Variants in CD163L1 observed in about 807,000 individuals in gnomAD.
CD163L1 encodes the protein CD163 molecule like 1, also known as scavenger receptor cysteine-rich type 1 protein M160.
In CD163L1, 124 loss-of-function variants were observed where a neutral mutation model predicts 165.4. The observed-to-expected ratio is 0.75, with a 90% CI of 0.65 to 0.87. The LOEUF is 0.87. CD163L1 is among the 40% of genes least tolerant of loss of function. CD163L1 has a pLI of 0.00. For synonymous variants in CD163L1, 585 were observed against 662.2 expected (o/e 0.88, Z 1.79); for missense variants, 1,525 against 1,799.9 (o/e 0.85, Z 2.76).
chr12:7,427,843 AACTT>A (rs1477625905), intron 4 of CD163L1, among the ~76,000 whole-genome samples: 11 of 152,120 alleles, frequency 7.2e-5, no homozygotes. Context: ...GATTAATTAT[AACTT>A]ACTTCCCTTG....
intron 18 of CD163L1, 110 bp downstream of exon 18, chr12:7,367,126 G>T: frequency 1.9e-6 from 1 of 525,586 alleles, no homozygotes; most frequent in Non-Finnish European, 3.4e-6. Context: ...CGCGTATTTT[G>T]TATAAGAGGC....
At chr12:7,383,894 C>T (rs1318404118) in intron 8 of CD163L1, among the ~76,000 whole-genome samples, 1 of 152,054 alleles carries the variant, frequency 6.6e-6, no homozygotes, top group African/African-American at 2.4e-5. Context: ...TGTAAGGACA[C>T]AAGAAACATA....
chr12:7,373,404 G>A lies in CD163L1; in HGVS notation c.3646C>T (p.His1216Tyr). 6.2e-7 allele frequency: 1 copy of A among 1,614,190 alleles called. No individual in the cohort carries two copies. ...WVDDIQCPKTHISIWQCLSAP... is the reference protein window; with the variant it reads ...WVDDIQCPKTYISIWQCLSAP... ...GACAGGCACTGCCATATGGAGATAT[G>A]CGTTTTAGGACACTGAATGTCATCC... Residue 1216 changes from histidine to tyrosine, a missense_variant, in exon 14 of 20, where the codon CAT becomes TAT. Coordinates refer to ENST00000313599, the MANE Select transcript of CD163L1 (RefSeq NM_174941.6).
chr12:7,407,734 A>T (rs924002763), intron 4 of CD163L1, among the ~76,000 whole-genome samples: 3 of 151,546 alleles, frequency 2.0e-5, no homozygotes, highest in Non-Finnish European at 4.4e-5. Context: ...GGAAATAAGG[A>T]AAGCCTGAGA....
In CD163L1 at chr12:7,368,186, G is replaced by C. The variant is rs774335942; in HGVS notation, c.4084C>G (p.Leu1362Val). ...SLNASSGHLA[L>V]ILSSIFGLLL... ...AGCCCAAAGATACTGGATAAAATAA[G>C]TGCTAAATGACCTGTATAGAAATTA... The change falls in exon 17 of 20, where the codon CTT (leucine) becomes GTT (valine). Residue 1362 changes from leucine to valine, a missense_variant. Transcript: ENST00000313599. This position sits in a 1 kb window ranked among gnomAD's most constrained non-coding sequence, Gnocchi z 4.3. The C allele has an allele frequency of 1.8e-5, 29 of 1,576,446 alleles. No individual in the cohort carries two copies. The highest frequency in any genetic ancestry group is 2.4e-5 in the Non-Finnish European group (28 of 1,146,092).
chr12:7,406,041 G>A (rs747937405), intron 5 of CD163L1, among the ~76,000 whole-genome samples: 2 of 152,216 alleles, frequency 1.3e-5, no homozygotes, highest in Middle Eastern at 3.4e-3. Context: ...CTAGTATAAG[G>A]TACAAAGTAA....
chr12:7,373,461 A>C lies in CD163L1; in HGVS notation c.3589T>G (p.Leu1197Val). 6.2e-7 allele frequency: 1 copy of C among 1,614,146 alleles called. No individual in the cohort carries two copies. The change falls in exon 14 of 20, where the codon TTA (leucine) becomes GTA (valine). Residue 1197 changes from leucine (L) to valine (V), a missense_variant. Physicochemically the swap from Leu to Val is conservative, Grantham distance 32. Coordinates refer to ENST00000313599, the MANE Select transcript of CD163L1 (RefSeq NM_174941.6). ...GENGVVSLAP[L>V]SKTGSGFMWV... Reference sequence around the variant, plus strand: ...ATGAAACCAGAGCCTGTCTTAGATAAAGGGGCGAGGCTGACAACTCCATTC... The same window carrying C: ...ATGAAACCAGAGCCTGTCTTAGATACAGGGGCGAGGCTGACAACTCCATTC...
chr12:7,439,979 C>G, intron 2 of CD163L1: 1 of 1,554,454 alleles, frequency 6.4e-7, no homozygotes, highest in Non-Finnish European at 8.7e-7. Context: ...CCCTCCGCAG[C>G]CTGCTCCATC....
chr12:7,400,800 T>C lies in CD163L1; in HGVS notation c.1409-2216A>G, dbSNP rs1327394988. Among the ~76,000 whole-genome samples the C allele has an allele frequency of 6.6e-6, 1 of 152,220 alleles. No homozygotes were observed. The highest frequency in any genetic ancestry group is 2.4e-5 in the African/African-American group (1 of 41,466). ...AAAATAAGAATACTTAGGCAATATA[T>C]ATCTCAGTAGGTATTAGCCTATAGA... On this transcript the variant is annotated intron_variant, in intron 6 of 19. Coordinates refer to ENST00000313599, the MANE Select transcript of CD163L1 (RefSeq NM_174941.6). The surrounding 1 kb of genome is among the most constrained non-coding windows in gnomAD (Gnocchi z 4.1).
At position 7,432,820 on chromosome 12, in the gene CD163L1, C is replaced by G; in HGVS notation, c.446-84G>C. Reference sequence around the variant, plus strand: ...ATCAAAAGGATACGTAGAAGACAGCCCTGTTATGAATGAAGTTACCAAAAA... The same window carrying G: ...ATCAAAAGGATACGTAGAAGACAGCGCTGTTATGAATGAAGTTACCAAAAA... On this transcript the variant is annotated intron_variant, in intron 3 of 19. Coordinates refer to ENST00000313599, the MANE Select transcript of CD163L1 (RefSeq NM_174941.6). This position sits in a 1 kb window ranked among gnomAD's most constrained non-coding sequence, Gnocchi z 4.2. The G allele has an allele frequency of 2.5e-6, 3 of 1,179,256 alleles. No individual in the cohort carries two copies. Among genetic ancestry groups the G allele is most frequent in the Non-Finnish European group, 3.5e-6 (3 of 847,988 alleles). 73.0% of individuals were successfully genotyped at this position (1,179,256 alleles called of 1,614,324 possible). A position where few individuals can be genotyped will look rare whatever the true frequency, so the allele number is the denominator to read the frequency against.
downstream of CD163L1, among the ~76,000 whole-genome samples, chr12:7,351,467 G>C (rs1011751072): frequency 6.6e-6 from 1 of 152,152 alleles, no homozygotes; most frequent in Admixed American, 6.5e-5. Flanking sequence ...GTGGTGAAGA[G>C]AGAGCACTCT....
intron 2 of CD163L1, among the ~76,000 whole-genome samples, chr12:7,437,568 G>A (rs1429798815): frequency 1.3e-5 from 2 of 151,310 alleles, no homozygotes; most frequent in African/African-American, 2.4e-5. Context: ...TCCCACCTAC[G>A]AGTGAGAACA....
At position 7,421,048 on chromosome 12, in the gene CD163L1, T is replaced by TACATATATATATATAC. The variant is rs1491151771; in HGVS notation, c.766+11367_766+11368insGTATATATATATATGT. Among the ~76,000 whole-genome samples, 26 of 85,824 alleles carry TACATATATATATATAC rather than the reference T, an allele frequency of 3.0e-4. No individual in the cohort carries two copies. In the South Asian group the frequency reaches 3.5e-3, roughly 11 times the overall value. 56.3% of individuals were successfully genotyped at this position (85,824 alleles called of 152,430 possible). On this transcript the variant is annotated intron_variant, in intron 4 of 19. Coordinates refer to ENST00000313599, the MANE Select transcript of CD163L1 (RefSeq NM_174941.6). ...ACATATATATATACGTGTATATATA[T>TACATATATATATATAC]GTATATACGTATATATGTATATATA...
chr12:7,367,393 C>A (rs1947046959), intron 17 of CD163L1, 62 bp from the exon 18 acceptor site: 2 of 1,037,788 alleles, frequency 1.9e-6, no homozygotes, highest in Non-Finnish European at 3.0e-6. Context: ...TATATTAGGA[C>A]ACTTAATGCT....
chr12:7,373,884 T>C (rs1359228127), intron 13 of CD163L1, among the ~76,000 whole-genome samples: 2 of 152,206 alleles, frequency 1.3e-5, no homozygotes, highest in Non-Finnish European at 2.9e-5. Flanking sequence ...TAAGTTAAAA[T>C]GCAACCTTCT....
the CD163L1 span, chr12:7,324,701 C>T: frequency 2.3e-6 from 3 of 1,297,214 alleles, no homozygotes; most frequent in Non-Finnish European, 3.2e-6. Flanking sequence ...TATTAATTCT[C>T]GTTATGAAGC....
chr12:7,391,805 C>A (rs11053606), intron 8 of CD163L1, among the ~76,000 whole-genome samples: 2,276 of 152,128 alleles, frequency 0.015, 73 homozygotes, highest in African/African-American at 0.051. Context: ...TTTAAACCAA[C>A]GAAGATCAAA....
chr12:7,369,755 CT>C lies in CD163L1; in HGVS notation c.3731-91del. On this transcript the variant is annotated intron_variant, in intron 14 of 19. Coordinates refer to ENST00000313599, the MANE Select transcript of CD163L1 (RefSeq NM_174941.6). The surrounding 1 kb of genome is among the most constrained non-coding windows in gnomAD (Gnocchi z 4.9). ...GAAAAACTTGAAAGTAGCAAATGTGCTTGATGAATATGGGTGTGGTAAGGAA... is the reference window on the plus strand; with the variant it reads ...GAAAAACTTGAAAGTAGCAAATGTGCTGATGAATATGGGTGTGGTAAGGAA... The C allele has an allele frequency of 8.6e-7, 1 of 1,163,848 alleles. No individual in the cohort carries two copies. Among genetic ancestry groups the C allele is most frequent in the Non-Finnish European group, 1.2e-6 (1 of 805,600 alleles). The allele number at this position is 1,163,848 out of a possible 1,614,324, so 72.1% of individuals were successfully genotyped here.
At chr12:7,378,799 A>G (rs749379371) in intron 9 of CD163L1, among the ~76,000 whole-genome samples, 179 bp downstream of exon 9, 4 of 152,176 alleles carry the variant, frequency 2.6e-5, no homozygotes, top group Non-Finnish European at 5.9e-5. Flanking sequence ...TTAAATAAAC[A>G]GTTATTTAAT....
Sources: allele counts gnomAD v4.1 joint callset (sites outside exome capture counted in the v4.1 genomes callset), GRCh38; gene constraint gnomAD v4.1.1; non-coding constraint Gnocchi (gnomAD v3.1); transcripts MANE v1.5; gene names NCBI Gene and HGNC (gene_info 2026-07-23, HGNC 2026-07-21).